Variants in ANKRD62 observed in about 807,000 individuals in gnomAD.
The protein encoded by ANKRD62 is ankyrin repeat domain-containing protein 62.
In ANKRD62, 61 loss-of-function variants were observed where a neutral mutation model predicts 98.8. The ratio of observed to expected loss-of-function variants is 0.62; its 90% CI spans 0.50 to 0.76. The LOEUF is 0.76. Ranked by LOEUF, ANKRD62 falls within the 30% of genes least tolerant of loss-of-function variation. The probability of loss-of-function intolerance (pLI) is 0.00; values close to 1 mark genes in which losing one functional copy is unlikely to be tolerated. For missense variants in ANKRD62, 933 were observed against 1,082.9 expected, an observed-to-expected ratio of 0.86 and a Z score of 1.94; for synonymous variants, 341 against 367.9, an observed-to-expected ratio of 0.93 and a Z score of 0.84.
chr18:12,125,700 G>A lies in ANKRD62; in HGVS notation c.1879G>A (p.Val627Ile), dbSNP rs754089013. 31 of 1,539,976 alleles carry A rather than the reference G, an allele frequency of 2.0e-5. No homozygotes were observed. The South Asian group carries it at 2.3e-4, about 11-fold the overall frequency. The change falls in exon 13 of 14, where the codon GTT becomes ATT. Residue 627 changes from valine to isoleucine, a missense_variant. By Grantham distance (29) the Val-to-Ile change is conservative. Around this residue, in one of 3 missense-constraint regions of ANKRD62, gnomAD observed 362 missense variants for 434.5 expected, o/e 0.83. Coordinates refer to ENST00000587848, the MANE Select transcript of ANKRD62 (RefSeq NM_001277333.2). ...AACCCGGTATAGTAAAGAGCTTAATGTTCTGATGGATGAGAATACAATGCT... is the reference window on the plus strand; with the variant it reads ...AACCCGGTATAGTAAAGAGCTTAATATTCTGATGGATGAGAATACAATGCT... ...TITRYSKELNVLMDENTMLNS... is the reference protein window; with the variant it reads ...TITRYSKELNILMDENTMLNS...
Position 12,129,395 on chromosome 18 carries a change from C to G in ANKRD62, c.*1456C>G, listed in dbSNP as rs4289062. ...ACTACAGTTACAGCACAAAAGTAGC[C>G]GTAAACAATATGCAGACTGAAGGGG... is the stretch of plus-strand genomic sequence containing the variant. On this transcript the variant is annotated 3_prime_UTR_variant, in exon 14 of 14. Transcript: ENST00000587848. 48,766 of 151,962 alleles carry G rather than the reference C, an allele frequency of 0.32. 8,425 individuals carry two copies. Among genetic ancestry groups the G allele is most frequent in the Middle Eastern group, 0.41 (120 of 294 alleles). The allele number at this position is 151,962 out of a possible 1,614,324, so 9.4% of individuals were successfully genotyped here.
intron 10 of ANKRD62, among the ~76,000 whole-genome samples, chr18:12,120,644 T>C (rs1272358612): frequency 6.6e-6 from 1 of 152,204 alleles, no homozygotes; most frequent in African/African-American, 2.4e-5. Flanking sequence ...ATATTCAATA[T>C]AGTTGTTTGT....
At position 12,094,176 on chromosome 18, in the gene ANKRD62, G is replaced by A. The variant is rs1234438398; in HGVS notation, c.159G>A (p.Lys53=). The A allele has an allele frequency of 1.3e-6, 2 of 1,532,436 alleles. No individual in the cohort carries two copies. Among genetic ancestry groups the A allele is most frequent in the Non-Finnish European group, 8.7e-7 (1 of 1,146,354 alleles). The allele number at this position is 1,532,436 out of a possible 1,614,324, so 94.9% of individuals were successfully genotyped here. A position where few individuals can be genotyped will look rare whatever the true frequency, so the allele number is the denominator to read the frequency against. ...HKAAIAGDVN[K]VMESILLRLN... ...CTGCCATCGCAGGTGATGTGAACAAGGTGATGGAGAGCATCTTGCTCAGGC... is the reference window on the plus strand; with the variant it reads ...CTGCCATCGCAGGTGATGTGAACAAAGTGATGGAGAGCATCTTGCTCAGGC... The change falls in exon 1 of 14, where the codon AAG becomes AAA. Residue 53 remains lysine (K), a synonymous_variant. Transcript: ENST00000587848.
chr18:12,171,881 A>G, the ANKRD62 span, among the ~76,000 whole-genome samples: 1 of 152,106 alleles, frequency 6.6e-6, no homozygotes, highest in Admixed American at 6.5e-5. Flanking sequence ...CATTTCATTA[A>G]TTTGATCTTC....
At chr18:12,138,385 G>A in the ANKRD62 span, among the ~76,000 whole-genome samples, 2 of 152,208 alleles carry the variant, frequency 1.3e-5, no homozygotes, top group Non-Finnish European at 2.9e-5. Flanking sequence ...CTGAGTTCTA[G>A]TTTGATTGCA....
rs189604181 is a variant in ANKRD62, at chr18:12,100,266, G to A, written c.820+584G>A. Among the ~76,000 whole-genome samples the A allele has an allele frequency of 2.6e-5, 4 of 152,226 alleles. No homozygotes were observed. In the East Asian group the frequency reaches 7.7e-4, roughly 29 times the overall value. ...TATACTGTATTGTTACTACAATAAA[G>A]TAAACTAGAGAAGAAGAAACTTATA... is the stretch of plus-strand genomic sequence containing the variant. On this transcript the variant is annotated intron_variant, in intron 6 of 13. Coordinates refer to ENST00000587848, the MANE Select transcript of ANKRD62 (RefSeq NM_001277333.2).
the ANKRD62 span, among the ~76,000 whole-genome samples, chr18:12,177,650 G>A: frequency 6.6e-6 from 1 of 151,860 alleles, no homozygotes; most frequent in African/African-American, 2.4e-5. Context: ...GACTTTGGCG[G>A]GTTGTTCTCT....
At chr18:12,166,045 C>T in the ANKRD62 span, among the ~76,000 whole-genome samples, 1 of 152,068 alleles carries the variant, frequency 6.6e-6, no homozygotes, top group African/African-American at 2.4e-5. Context: ...CTTCTTTTCT[C>T]GTGTTGCTTT....
At position 12,095,189 on chromosome 18, in the gene ANKRD62, G is replaced by A. The variant is rs762385517; in HGVS notation, c.237G>A (p.Ala79=). 4.7e-5 allele frequency: 72 copies of A among 1,536,442 alleles called. No individual in the cohort carries two copies. In the African/African-American group the frequency reaches 5.3e-4, roughly 11 times the overall value. The change falls in exon 2 of 14, where the codon GCG becomes GCA. Residue 79 remains alanine, a synonymous_variant. Transcript: ENST00000587848. ...CTCACAGGACTGCTCTACTTTTGGC[G>A]TGTGCCCATGGCCGTCCAGGAGTGG... is the stretch of plus-strand genomic sequence containing the variant. The part of the protein sequence containing the change: ...DKKNRTALLL[A]CAHGRPGVVA...
chr18:12,123,395 A>C (rs1909823002), intron 11 of ANKRD62, among the ~76,000 whole-genome samples: 1 of 152,162 alleles, frequency 6.6e-6, no homozygotes. Context: ...GTAAAATGGA[A>C]AGTGATTACT....
downstream of ANKRD62, among the ~76,000 whole-genome samples, chr18:12,133,557 CT>C (rs899761896): frequency 2.6e-5 from 4 of 151,960 alleles, no homozygotes; most frequent in African/African-American, 9.7e-5. Flanking sequence ...TATTTTTCAT[CT>C]TTTTTATTAT....
At chr18:12,115,247 A>G in intron 9 of ANKRD62, 126 bp downstream of exon 9, 1 of 1,281,504 alleles carries the variant, frequency 7.8e-7, no homozygotes, top group African/African-American at 1.5e-5. Flanking sequence ...CATTCATAAA[A>G]GCACCCTTTT....
chr18:12,134,569 C>T (rs780265966), downstream of ANKRD62, among the ~76,000 whole-genome samples: 9 of 152,142 alleles, frequency 5.9e-5, no homozygotes, highest in Non-Finnish European at 1.2e-4. Context: ...GTTCCCCTTC[C>T]TGTGTCCAGG....
chr18:12,135,603 C>T, the ANKRD62 span, among the ~76,000 whole-genome samples: 3 of 151,480 alleles, frequency 2.0e-5, no homozygotes, highest in Admixed American at 6.5e-5. Context: ...TTCTAGATCC[C>T]TGAGGAATCG....
intron 8 of ANKRD62, among the ~76,000 whole-genome samples, chr18:12,110,410 T>G (rs1909514084): frequency 1.3e-5 from 2 of 152,354 alleles, no homozygotes; most frequent in South Asian, 4.2e-4. Flanking sequence ...ATTTTATGGC[T>G]TTATTCATTT....
rs76702664 is a variant in ANKRD62, at chr18:12,101,283, T to C, written c.820+1601T>C. ...TGGGAAAATAGCAATGTATTACTTA[T>C]AGTTTCATATTCATGGACAGATTGT... On this transcript the variant is annotated intron_variant, in intron 6 of 13. Coordinates refer to ENST00000587848, the MANE Select transcript of ANKRD62 (RefSeq NM_001277333.2). Among the ~76,000 whole-genome samples the C allele has an allele frequency of 8.3e-3, 1,270 of 152,362 alleles. 11 individuals are homozygous for C. The highest frequency in any genetic ancestry group is 0.024 in the South Asian group (118 of 4,830).
At chr18:12,102,324 C>G in intron 6 of ANKRD62, 1 of 702,998 alleles carries the variant, frequency 1.4e-6, no homozygotes, top group South Asian at 1.5e-5. Flanking sequence ...TGGTGACAAG[C>G]CAATGTACTC....
the ANKRD62 span, among the ~76,000 whole-genome samples, chr18:12,169,168 A>G: frequency 1.4e-4 from 21 of 152,074 alleles, no homozygotes; most frequent in Admixed American, 1.4e-3. Flanking sequence ...TTCCAACACT[A>G]TGTTGAATAG....
At chr18:12,134,766 G>A in the ANKRD62 span, among the ~76,000 whole-genome samples, 3 of 152,184 alleles carry the variant, frequency 2.0e-5, no homozygotes, top group Non-Finnish European at 4.4e-5. Flanking sequence ...TCTTAAACCA[G>A]TCTATCATTG....
Sources: allele counts gnomAD v4.1 joint callset (sites outside exome capture counted in the v4.1 genomes callset), GRCh38; gene constraint gnomAD v4.1.1; regional missense constraint gnomAD v4.1.1; transcripts MANE v1.5; gene names NCBI Gene and HGNC (gene_info 2026-07-23, HGNC 2026-07-21).